The following MECOM variants were observed in gnomAD, a reference collection of about 807,000 sequenced individuals.
MECOM encodes the protein histone-lysine N-methyltransferase MECOM.
Under a neutral mutation model 116.3 loss-of-function variants are expected in MECOM, and 13 were observed. The ratio of observed to expected loss-of-function variants is 0.11; its 90% CI spans 0.07 to 0.18. MECOM has a LOEUF of 0.18. Among genes scored for constraint, MECOM ranks in the 10% least tolerant of loss-of-function variants. The pLI, the probability that MECOM is intolerant of heterozygous loss-of-function variation, is 1.00. For synonymous variants in MECOM, 528 were observed against 535.2 expected (o/e 0.99, Z 0.19); for missense variants, 1,299 against 1,509.0 (o/e 0.86, Z 2.31).
rs1252158884 is a variant in MECOM, at chr3:169,649,731, T to G, written c.37+13605A>C. 2.6e-5 allele frequency among the ~76,000 whole-genome samples: 4 copies of G among 152,188 alleles called. No homozygotes were observed. In the East Asian group the frequency reaches 7.7e-4, roughly 29 times the overall value. Reference sequence around the variant, plus strand: ...AGTAATGCCCTCATGGAACAACCAGTAAACATCCACACCAAAAAAGTACGC... The same window carrying G: ...AGTAATGCCCTCATGGAACAACCAGGAAACATCCACACCAAAAAAGTACGC... On this transcript the variant is annotated intron_variant, in intron 1 of 16. Coordinates refer to ENST00000651503, the MANE Select transcript of MECOM (RefSeq NM_004991.4).
At position 169,318,992 on chromosome 3, in the gene MECOM, G is replaced by A. The variant is rs541072683; in HGVS notation, c.375+62195C>T. 2.3e-3 allele frequency among the ~76,000 whole-genome samples: 351 copies of A among 151,926 alleles called. 1 individual carries two copies. The highest frequency in any genetic ancestry group is 7.0e-3 in the African/African-American group (290 of 41,418). On this transcript the variant is annotated intron_variant, in intron 2 of 16. Transcript: ENST00000651503. ...TGGGTGCCTGTAATCCCAGCTACTCGGGAGGTGAGGCAGGAGAATCCCTTG... is the reference window on the plus strand; with the variant it reads ...TGGGTGCCTGTAATCCCAGCTACTCAGGAGGTGAGGCAGGAGAATCCCTTG...
At chr3:169,413,396 G>T (rs1416683877) in intron 1 of MECOM, among the ~76,000 whole-genome samples, 1 of 151,984 alleles carries the variant, frequency 6.6e-6, no homozygotes, top group Non-Finnish European at 1.5e-5. Flanking sequence ...TACACCACAA[G>T]TGCCCTCGGT....
At chr3:169,400,011 TATTCCAAATA>T (rs1222550549) in intron 1 of MECOM, among the ~76,000 whole-genome samples, 1 of 152,212 alleles carries the variant, frequency 6.6e-6, no homozygotes, top group Non-Finnish European at 1.5e-5. Flanking sequence ...CTCAACATTC[TATTCCAAATA>T]CCAAGAACAA....
At chr3:169,376,138 C>A (rs981053056) in intron 2 of MECOM, among the ~76,000 whole-genome samples, 2 of 152,064 alleles carry the variant, frequency 1.3e-5, no homozygotes, top group African/African-American at 2.4e-5. Flanking sequence ...GCCCTTCACG[C>A]TAAAAACTCT....
chr3:169,556,860 G>A (rs721808), intron 1 of MECOM, among the ~76,000 whole-genome samples: 9,102 of 152,086 alleles, frequency 0.06, 335 homozygotes, highest in African/African-American at 0.063. Context: ...GAAACCCTAC[G>A]CTACAACCAC....
At chr3:169,294,777 A>G (rs1715281307) in intron 2 of MECOM, among the ~76,000 whole-genome samples, 1 of 152,176 alleles carries the variant, frequency 6.6e-6, no homozygotes, top group African/African-American at 2.4e-5. Context: ...CTCCTGCCTC[A>G]GTCCTTCTTC....
At position 169,520,760 on chromosome 3, in the gene MECOM, CTT is replaced by C. The variant is rs149899077; in HGVS notation, c.38-139238_38-139237del. Among the ~76,000 whole-genome samples, 2,396 of 152,086 alleles carry C rather than the reference CTT, an allele frequency of 0.016. 225 individuals are homozygous for C. In the East Asian group the frequency reaches 0.3, roughly 19 times the overall value. ...TATTTTCTAGCCATTTTTATAAAAA[CTT>C]AAAATCTTAATCTCAAAAAAAAATG... On this transcript the variant is annotated intron_variant, in intron 1 of 16. Coordinates refer to ENST00000651503, the MANE Select transcript of MECOM (RefSeq NM_004991.4).
In MECOM at chr3:169,441,939, G is replaced by GTTTTA. The variant is rs1240037914; in HGVS notation, c.38-60416_38-60415insTAAAA. On this transcript the variant is annotated intron_variant, in intron 1 of 16. Coordinates refer to ENST00000651503, the MANE Select transcript of MECOM (RefSeq NM_004991.4). ...GTTATGTTTTGTTTTGTTTTGTTTT[G>GTTTTA]TTTTGAGATGGAGTCTCTCTCTGTT... Among the ~76,000 whole-genome samples the GTTTTA allele has an allele frequency of 3.9e-4, 58 of 150,612 alleles. 1 individual carries two copies. The highest frequency in any genetic ancestry group is 2.0e-4 in the Admixed American group (3 of 15,078).
At chr3:169,408,446 T>C (rs186985652) in intron 1 of MECOM, among the ~76,000 whole-genome samples, 53 of 152,136 alleles carry the variant, frequency 3.5e-4, no homozygotes, top group Non-Finnish European at 4.3e-4. Flanking sequence ...CTTCAATTTC[T>C]CATACCACAG....
At chr3:169,536,554 C>T (rs542929139) in intron 1 of MECOM, among the ~76,000 whole-genome samples, 3 of 139,426 alleles carry the variant, frequency 2.2e-5, no homozygotes, top group African/African-American at 7.9e-5. Context: ...GACCTCTTTC[C>T]AAAAAAAAAA....
At chr3:169,141,156 A>G (rs1737990550) in intron 3 of MECOM, among the ~76,000 whole-genome samples, 3 of 152,078 alleles carry the variant, frequency 2.0e-5, no homozygotes, top group Admixed American at 2.0e-4. Flanking sequence ...TCTTTGTTAG[A>G]TGACCTAATT....
intron 2 of MECOM, among the ~76,000 whole-genome samples, chr3:169,353,088 C>T (rs544500245): frequency 2.0e-5 from 3 of 151,842 alleles, no homozygotes; most frequent in Non-Finnish European, 4.4e-5. Flanking sequence ...AAACAAGTTG[C>T]TAAAACACTG....
intron 3 of MECOM, among the ~76,000 whole-genome samples, chr3:169,140,059 A>AC (rs1354265359): frequency 1.3e-5 from 2 of 151,128 alleles, no homozygotes; most frequent in African/African-American, 4.9e-5. Context: ...AATAATGAAA[A>AC]AAAAACATTT....
At chr3:169,404,856 G>T (rs1343218261) in intron 1 of MECOM, among the ~76,000 whole-genome samples, 1 of 152,174 alleles carries the variant, frequency 6.6e-6, no homozygotes, top group Non-Finnish European at 1.5e-5. Context: ...GAAGCACAGA[G>T]CTTCACAAAA....
chr3:169,142,626 A>G (rs972890106), intron 3 of MECOM, among the ~76,000 whole-genome samples: 2 of 151,970 alleles, frequency 1.3e-5, no homozygotes, highest in African/African-American at 4.8e-5. Flanking sequence ...AGATTTTTAA[A>G]TGATTTCCAT....
chr3:169,552,437 A>G (rs1445939527), intron 1 of MECOM, among the ~76,000 whole-genome samples: 4 of 152,186 alleles, frequency 2.6e-5, no homozygotes, highest in Admixed American at 2.6e-4. Flanking sequence ...ACATTTATTG[A>G]ATACTTACTA....
intron 3 of MECOM, among the ~76,000 whole-genome samples, chr3:169,137,729 T>C (rs896009502): frequency 2.6e-5 from 4 of 152,130 alleles, no homozygotes; most frequent in Non-Finnish European, 5.9e-5. Context: ...CTTTATCTCT[T>C]TGTCAGTAAC....
intron 1 of MECOM, among the ~76,000 whole-genome samples, chr3:169,614,125 C>T (rs77785678): frequency 0.044 from 2,373 of 54,056 alleles, 207 homozygotes; most frequent in East Asian, 0.39. Flanking sequence ...TTTTTTTTTT[C>T]TCTCTCTCTC....
intron 1 of MECOM, among the ~76,000 whole-genome samples, chr3:169,428,266 A>G (rs751136212): frequency 7.9e-5 from 12 of 152,186 alleles, no homozygotes; most frequent in Non-Finnish European, 1.8e-4. Flanking sequence ...TTTGTAAACC[A>G]GGGACCTGTT....
Sources: gnomAD v4.1 joint callset for allele counts (sites outside exome capture counted in the v4.1 genomes callset) on GRCh38, gnomAD v4.1.1 for gene constraint, MANE v1.5 for transcripts, NCBI Gene and HGNC (gene_info 2026-07-23, HGNC 2026-07-21) for gene names.